The following CREB5 variants were observed in gnomAD, a reference collection of about 807,000 sequenced individuals.
CREB5 encodes the protein cAMP responsive element binding protein 5.
Under a neutral mutation model 57.1 loss-of-function variants are expected in CREB5, and 19 were observed. That is an observed-to-expected ratio of 0.33 (90% CI 0.23 to 0.49). CREB5 has a LOEUF of 0.49. Among genes scored for constraint, CREB5 ranks in the 20% least tolerant of loss-of-function variants. The pLI is 0.99. For synonymous variants in CREB5, 238 were observed against 238.3 expected, an observed-to-expected ratio of 1.00 and a Z score of 0.01; for missense variants, 579 against 671.6, an observed-to-expected ratio of 0.86 and a Z score of 1.52.
chr7:28,366,545 T>C (rs1052672781), intron 1 of CREB5, among the ~76,000 whole-genome samples: 4 of 152,222 alleles, frequency 2.6e-5, no homozygotes, highest in Admixed American at 6.5e-5. Flanking sequence ...CATAAGTAGA[T>C]AGAAACTTGA....
intron 5 of CREB5, among the ~76,000 whole-genome samples, chr7:28,653,500 G>A (rs917273621): frequency 2.0e-5 from 3 of 152,090 alleles, no homozygotes; most frequent in Non-Finnish European, 2.9e-5. Context: ...GCCATTTCCC[G>A]TGTTACACTT....
chr7:28,645,340 AGTT>A (rs779557624), intron 5 of CREB5, among the ~76,000 whole-genome samples: 15 of 152,134 alleles, frequency 9.9e-5, no homozygotes, highest in Non-Finnish European at 2.1e-4. Flanking sequence ...ATAAAACTAC[AGTT>A]GTTCTGTGGA....
At chr7:28,552,345 C>G (rs190288705) in intron 4 of CREB5, among the ~76,000 whole-genome samples, 1 of 152,312 alleles carries the variant, frequency 6.6e-6, no homozygotes, top group East Asian at 1.9e-4. Context: ...TTATTTCTAA[C>G]TAGCTTGCTG....
chr7:28,408,678 C>T (rs1203299099), upstream of CREB5, among the ~76,000 whole-genome samples: 3 of 152,124 alleles, frequency 2.0e-5, no homozygotes, highest in East Asian at 1.9e-4. Flanking sequence ...TTCTCAGACG[C>T]ATGAAGCAGG....
intron 1 of CREB5, among the ~76,000 whole-genome samples, chr7:28,372,413 A>G (rs1473068154): frequency 6.6e-6 from 1 of 152,204 alleles, no homozygotes; most frequent in Non-Finnish European, 1.5e-5. Context: ...TCCAAAATAG[A>G]CCAGGAAAAG....
chr7:28,610,468 G>T (rs931490124), intron 5 of CREB5, among the ~76,000 whole-genome samples: 1 of 152,102 alleles, frequency 6.6e-6, no homozygotes, highest in Admixed American at 6.5e-5. Context: ...TATATTCACC[G>T]CATACATTCA....
At chr7:28,592,506 AG>A (rs564370962) in intron 5 of CREB5, among the ~76,000 whole-genome samples, 1 of 152,088 alleles carries the variant, frequency 6.6e-6, no homozygotes, top group Non-Finnish European at 1.5e-5. Context: ...TGAGGGAGCA[AG>A]GGGGGGTTGA....
chr7:28,359,131 G>T (rs1786406338), intron 1 of CREB5, among the ~76,000 whole-genome samples: 1 of 150,948 alleles, frequency 6.6e-6, no homozygotes, highest in Non-Finnish European at 1.5e-5. Context: ...AAAAACACTG[G>T]ATAGGGTGGG....
At chr7:28,806,422 A>G (rs1467493761) in intron 8 of CREB5, among the ~76,000 whole-genome samples, 1 of 152,166 alleles carries the variant, frequency 6.6e-6, no homozygotes, top group Non-Finnish European at 1.5e-5. Context: ...TAATTGTATG[A>G]TTATCTGAAA....
rs577119219 is a variant in CREB5, at chr7:28,421,657, T to C, written c.3+8740T>C. On this transcript the variant is annotated intron_variant, in intron 1 of 10. Transcript: ENST00000357727. ...CTGGCTTGGATCTGGGTGAGCCCTG[T>C]GTGTAGAAAGCTGTATCATTCCATT... Among the ~76,000 whole-genome samples the C allele has an allele frequency of 5.9e-5, 9 of 152,102 alleles. No homozygotes were observed. The East Asian group carries it at 1.7e-3, about 29-fold the overall frequency.
At chr7:28,563,379 G>T (rs924848033) in intron 4 of CREB5, among the ~76,000 whole-genome samples, 3 of 152,196 alleles carry the variant, frequency 2.0e-5, no homozygotes. Context: ...ATGGCTCAGA[G>T]AACTTAAATT....
At chr7:28,475,395 A>T (rs536005682) in intron 1 of CREB5, among the ~76,000 whole-genome samples, 3 of 149,214 alleles carry the variant, frequency 2.0e-5, no homozygotes, top group Non-Finnish European at 4.4e-5. Context: ...ACATAGTGAG[A>T]CCCCATCTCT....
At chr7:28,356,539 T>C (rs1786348438) in intron 1 of CREB5, among the ~76,000 whole-genome samples, 2 of 152,208 alleles carry the variant, frequency 1.3e-5, no homozygotes, top group Non-Finnish European at 1.5e-5. Context: ...AATAGGCTTT[T>C]GGGGGCGAAC....
At chr7:28,802,078 G>GAAAA (rs35658848) in intron 7 of CREB5, among the ~76,000 whole-genome samples, 303 of 26,630 alleles carry the variant, frequency 0.011, 67 homozygotes, top group Non-Finnish European at 0.016. Context: ...GACTCCATCT[G>GAAAA]AAAAAAAAAA....
intron 5 of CREB5, among the ~76,000 whole-genome samples, chr7:28,601,716 T>C (rs555526740): frequency 6.6e-6 from 1 of 152,162 alleles, no homozygotes; most frequent in Admixed American, 6.5e-5. Flanking sequence ...ACTGGAAACA[T>C]TTCAGCATAT....
chr7:28,372,182 G>A (rs1786721100), intron 1 of CREB5, among the ~76,000 whole-genome samples: 1 of 152,176 alleles, frequency 6.6e-6, no homozygotes. Flanking sequence ...CAGATTGATT[G>A]ATGATTTAAA....
chr7:28,342,140 CT>C (rs1194710914), intron 1 of CREB5, among the ~76,000 whole-genome samples: 1 of 152,228 alleles, frequency 6.6e-6, no homozygotes, highest in Non-Finnish European at 1.5e-5. Context: ...CTGTCCCCCT[CT>C]GCTCTTCTCC....
At chr7:28,596,132 G>A (rs1796684881) in intron 5 of CREB5, among the ~76,000 whole-genome samples, 2 of 152,164 alleles carry the variant, frequency 1.3e-5, no homozygotes, top group South Asian at 4.1e-4. Flanking sequence ...ATGATATGGT[G>A]CAATTTTTAT....
chr7:28,766,488 C>G (rs1395065816), intron 7 of CREB5, among the ~76,000 whole-genome samples: 1 of 152,132 alleles, frequency 6.6e-6, no homozygotes, highest in Admixed American at 6.5e-5. Flanking sequence ...GCTTCGTTTC[C>G]CAGAATTTTA....
Sources: allele counts gnomAD v4.1 joint callset (sites outside exome capture counted in the v4.1 genomes callset), GRCh38; gene constraint gnomAD v4.1.1; transcripts MANE v1.5; gene names NCBI Gene and HGNC (gene_info 2026-07-23, HGNC 2026-07-21).